Variants in PALB2 observed in about 807,000 individuals in gnomAD.
The protein encoded by PALB2 is partner and localizer of BRCA2.
In PALB2, 82 loss-of-function variants were observed where a neutral mutation model predicts 107.4. That is an observed-to-expected ratio of 0.76 (90% CI 0.64 to 0.92). The LOEUF is 0.92. Among genes scored for constraint, PALB2 ranks in the 40% least tolerant of loss-of-function variants. The probability of loss-of-function intolerance (pLI) is 0.00; values close to 1 mark genes in which losing one functional copy is unlikely to be tolerated. For synonymous variants in PALB2, 489 were observed against 496.8 expected (o/e 0.98, Z 0.21); for missense variants, 1,374 against 1,379.9 (o/e 1.00, Z 0.07).
At chr16:23,609,643 G>A (rs946782256) in intron 11 of PALB2, among the ~76,000 whole-genome samples, 2 of 151,792 alleles carry the variant, frequency 1.3e-5, no homozygotes, top group African/African-American at 2.4e-5. Context: ...TCAGCCTCCC[G>A]AGTAGCTGGA....
intron 1 of PALB2, 91 bp downstream of exon 1, chr16:23,641,018 GC>G (rs1967224185): frequency 7.0e-7 from 1 of 1,436,286 alleles, no homozygotes; most frequent in Non-Finnish European, 9.6e-7. Context: ...TGATACTGCT[GC>G]CCTCGGACTG....
intron 10 of PALB2, among the ~76,000 whole-genome samples, chr16:23,619,834 C>T (rs531459652): frequency 2.6e-4 from 40 of 152,076 alleles, no homozygotes; most frequent in Middle Eastern, 3.4e-3. Context: ...GGCTGGAGTG[C>T]AGTGGCGCAA....
At chr16:23,641,009 G>A (rs1967223484) in intron 1 of PALB2, 101 bp downstream of exon 1, 5 of 1,360,714 alleles carry the variant, frequency 3.7e-6, no homozygotes, top group Non-Finnish European at 5.1e-6. Flanking sequence ...GTGGTCAGAT[G>A]ATACTGCTGC....
chr16:23,621,627 T>C (rs1567213070), intron 9 of PALB2, 149 bp from the exon 10 acceptor site: 2 of 648,486 alleles, frequency 3.1e-6, no homozygotes, highest in African/African-American at 1.8e-5. Flanking sequence ...CTAAACTTTC[T>C]ACAATGAACA....
At chr16:23,612,701 C>CT (rs1449957952) in intron 11 of PALB2, among the ~76,000 whole-genome samples, 6 of 151,572 alleles carry the variant, frequency 4.0e-5, no homozygotes, top group Non-Finnish European at 2.9e-5. Flanking sequence ...TAATTTTTGT[C>CT]TTTTTTTATA....
At chr16:23,621,243 A>G in intron 10 of PALB2, 119 bp downstream of exon 10, 1 of 780,638 alleles carries the variant, frequency 1.3e-6, no homozygotes. Flanking sequence ...ACAGCAACAC[A>G]AAACCACAAT....
intron 4 of PALB2, among the ~76,000 whole-genome samples, chr16:23,631,216 C>A (rs1189470049): frequency 7.3e-6 from 1 of 136,636 alleles, no homozygotes; most frequent in Non-Finnish European, 1.5e-5. Flanking sequence ...GGAGGCGGAG[C>A]TTGCAGTTAG....
chr16:23,624,172 C>T (rs1809003574), intron 7 of PALB2, 78 bp from the exon 8 acceptor site: 1 of 954,512 alleles, frequency 1.0e-6, no homozygotes, highest in Non-Finnish European at 1.7e-6. Flanking sequence ...AAATTTATCA[C>T]ATTCTTTTGT....
In PALB2 at chr16:23,641,288, G is replaced by A; in HGVS notation, c.-131C>T. On this transcript the variant is annotated 5_prime_UTR_variant, in exon 1 of 13. Transcript: ENST00000261584. ...GAGCCCGGGATCGCACCCTCAGTGC[G>A]CGATCAGCTGACCCACGCGGGCCAA... 2.4e-6 allele frequency: 3 copies of A among 1,243,556 alleles called. No homozygotes were observed. Among genetic ancestry groups the A allele is most frequent in the South Asian group, 1.3e-5 (1 of 76,462 alleles). 77.0% of individuals were successfully genotyped at this position (1,243,556 alleles called of 1,614,324 possible). A position where few individuals can be genotyped will look rare whatever the true frequency, so the allele number is the denominator to read the frequency against.
At chr16:23,633,860 C>T (rs1222774118) in intron 4 of PALB2, among the ~76,000 whole-genome samples, 2 of 152,090 alleles carry the variant, frequency 1.3e-5, no homozygotes, top group Non-Finnish European at 2.9e-5. Context: ...TATACCACCA[C>T]ACCTGGCTAA....
Position 23,607,852 on chromosome 16 carries a change from ATGCACACT to A in PALB2, c.3350+4_3350+11del. 1 of 1,613,662 alleles carries A rather than the reference ATGCACACT, an allele frequency of 6.2e-7. No homozygotes were observed. The highest frequency in any genetic ancestry group is 8.5e-7 in the Non-Finnish European group (1 of 1,179,906). On this transcript the variant is annotated splice_donor_5th_base_variant and intron_variant, in intron 12 of 12. Coordinates refer to ENST00000261584, the MANE Select transcript of PALB2 (RefSeq NM_024675.4). Reference sequence around the variant, plus strand: ...ATGTCCCACCCATAGAGTAGCAGTTATGCACACTTGCCTGCCAGCCTGCCCTGGAGGAA... The same window carrying A: ...ATGTCCCACCCATAGAGTAGCAGTTATGCCTGCCAGCCTGCCCTGGAGGAA...
At chr16:23,617,085 G>C (rs1404326303) in intron 10 of PALB2, among the ~76,000 whole-genome samples, 1 of 152,098 alleles carries the variant, frequency 6.6e-6, no homozygotes, top group Non-Finnish European at 1.5e-5. Flanking sequence ...AAAGTGCTGG[G>C]ATTACAGGCG....
rs771815436 is a variant in PALB2, at chr16:23,634,926, G to A, written c.1620C>T (p.Asn540=). ...LLPTSSLSIV[N]RSKEEVTSHK... ...GTGAGGTGACTTCTTCCTTGGACCT[G>A]TTAACAATCGACAGGCTAGAAGTTG... Residue 540 remains asparagine (N), a synonymous_variant, in exon 4 of 13, where the codon AAC becomes AAT. Coordinates refer to ENST00000261584, the MANE Select transcript of PALB2 (RefSeq NM_024675.4). 3 of 1,614,134 alleles carry A rather than the reference G, an allele frequency of 1.9e-6. No homozygotes were observed. The highest frequency in any genetic ancestry group is 2.5e-6 in the Non-Finnish European group (3 of 1,180,024).
rs786203837 is a variant in PALB2, at chr16:23,629,772, C to A, written c.2382G>T (p.Arg794Ser). Residue 794 changes from arginine to serine, a missense_variant, in exon 5 of 13, where the codon AGG (arginine) becomes AGT (serine). By Grantham distance (110) the Arg-to-Ser change is moderately radical. Coordinates refer to ENST00000261584, the MANE Select transcript of PALB2 (RefSeq NM_024675.4). The stretch of plus-strand genomic sequence containing the variant: ...CACAGTCACAGGTAGGTTGTCCTTG[C>A]CTGCCTGACACTTGCAGGGTGGTAT... ...KPHTTLQVSG[R>S]QGQPTCDCDS... The A allele has an allele frequency of 1.2e-6, 2 of 1,614,182 alleles. No individual in the cohort carries two copies. The highest frequency in any genetic ancestry group is 1.7e-6 in the Non-Finnish European group (2 of 1,180,028).
chr16:23,610,275 A>G, intron 11 of PALB2, among the ~76,000 whole-genome samples: 1 of 151,396 alleles, frequency 6.6e-6, no homozygotes, highest in Non-Finnish European at 1.5e-5. Context: ...CAATCCCTGC[A>G]CTAAACAGTT....
At chr16:23,631,279 CAAAA>C (rs1157091932) in intron 4 of PALB2, among the ~76,000 whole-genome samples, 47 of 23,644 alleles carry the variant, frequency 2.0e-3, no homozygotes, top group South Asian at 3.7e-3. Flanking sequence ...GACTCTGTCT[CAAAA>C]AAAAAAAAAA....
intron 6 of PALB2, among the ~76,000 whole-genome samples, chr16:23,627,382 G>A (rs538867358): frequency 4.0e-5 from 6 of 151,460 alleles, no homozygotes; most frequent in Non-Finnish European, 7.4e-5. Context: ...AGCTACTCGG[G>A]AGGCTGAGGC....
rs749602688 is a variant in PALB2 at position 23,630,088 on chromosome 16, G to A, written c.2066C>T (p.Ser689Leu). The A allele has an allele frequency of 3.7e-6, 6 of 1,614,134 alleles. No individual in the cohort carries two copies. The highest frequency in any genetic ancestry group is 1.3e-5 in the African/African-American group (1 of 75,022). The change falls in exon 5 of 13, where the codon TCG (serine) becomes TTG (leucine). Residue 689 changes from serine to leucine, a missense_variant. Coordinates refer to ENST00000261584, the MANE Select transcript of PALB2 (RefSeq NM_024675.4). ...GCCCGTCTTTGTATGCTGGCTTTGC[G>A]AGTTTGGCCTTTTGGGATGTGATTT... ...PGKSHPKRPNSQSQHTKTGLS... is the reference protein window; with the variant it reads ...PGKSHPKRPNLQSQHTKTGLS...
intron 10 of PALB2, chr16:23,617,521 A>T (rs1429115155): frequency 1.3e-5 from 2 of 151,650 alleles, no homozygotes; most frequent in Non-Finnish European, 2.9e-5. Context: ...GGAGTTCACG[A>T]CCAGTCTAGG....
Sources: allele counts gnomAD v4.1 joint callset (sites outside exome capture counted in the v4.1 genomes callset), GRCh38; gene constraint gnomAD v4.1.1; transcripts MANE v1.5; gene names NCBI Gene and HGNC (gene_info 2026-07-23, HGNC 2026-07-21).